The following FBXO42 variants were observed in gnomAD, a reference collection of about 807,000 sequenced individuals.
FBXO42 encodes the protein F-box protein 42, also known as F-box only protein 42.
Under a neutral mutation model 71.7 loss-of-function variants are expected in FBXO42, and 12 were observed. That is an observed-to-expected ratio of 0.17 (90% CI 0.11 to 0.27). The LOEUF is 0.27. FBXO42 is among the 10% of genes least tolerant of loss of function. The probability of loss-of-function intolerance (pLI) is 1.00; values close to 1 mark genes in which losing one functional copy is unlikely to be tolerated. For missense variants in FBXO42, 707 were observed against 911.9 expected (o/e 0.78, Z 2.89); for synonymous variants, 325 against 327.5 (o/e 0.99, Z 0.08).
Position 16,251,510 on chromosome 1 carries a change from G to T in FBXO42, c.1314C>A (p.Ile438=). The T allele has an allele frequency of 1.2e-6, 2 of 1,614,156 alleles. No homozygotes were observed. The highest frequency in any genetic ancestry group is 1.7e-6 in the Non-Finnish European group (2 of 1,180,006). The change falls in exon 10 of 10, where the codon ATC becomes ATA. Residue 438 remains isoleucine, a synonymous_variant. Coordinates refer to ENST00000375592, the MANE Select transcript of FBXO42 (RefSeq NM_018994.3). The surrounding 1 kb of genome is among the most constrained non-coding windows in gnomAD (Gnocchi z 4.5). ...CTGGAGACAAACTCCCACCATTGAG[G>T]ATAGGAGAGCCGTCTCCTCTGGCTG... ...LSPARGDGSP[I]LNGGSLSPGT...
In FBXO42 at chr1:16,247,773, C is replaced by G. The variant is rs1353699435; in HGVS notation, c.*2897G>C. The G allele has an allele frequency of 6.6e-6, 1 of 152,022 alleles. No individual in the cohort carries two copies. The highest frequency in any genetic ancestry group is 6.5e-5 in the Admixed American group (1 of 15,268). The allele number at this position is 152,022 out of a possible 1,614,324, so 9.4% of individuals were successfully genotyped here. A position where few individuals can be genotyped will look rare whatever the true frequency, so the allele number is the denominator to read the frequency against. Reference sequence around the variant, plus strand: ...GGGTGAGGTTGTGGAGTCCACCAACCAAATGAAGGGTGGAAATAGGAATGA... The same window carrying G: ...GGGTGAGGTTGTGGAGTCCACCAACGAAATGAAGGGTGGAAATAGGAATGA... On this transcript the variant is annotated 3_prime_UTR_variant, in exon 10 of 10. Transcript: ENST00000375592.
At chr1:16,275,610 C>A (rs1448557211) in intron 4 of FBXO42, among the ~76,000 whole-genome samples, 4 of 152,044 alleles carry the variant, frequency 2.6e-5, no homozygotes, top group African/African-American at 9.7e-5. Flanking sequence ...AAAAGCTAGA[C>A]CCTGTCTCTT....
intron 4 of FBXO42, among the ~76,000 whole-genome samples, chr1:16,291,249 A>G (rs1305294911): frequency 6.6e-6 from 1 of 152,228 alleles, no homozygotes; most frequent in African/African-American, 2.4e-5. Context: ...TGTTTTATTC[A>G]GAAGGACTAA....
chr1:16,292,431 T>C (rs1003383373), intron 4 of FBXO42: 2 of 152,210 alleles, frequency 1.3e-5, no homozygotes, highest in African/African-American at 2.4e-5. Flanking sequence ...TCTGGGACTA[T>C]GGAGGCATGC....
At chr1:16,338,426 C>T (rs933961112) in intron 1 of FBXO42, among the ~76,000 whole-genome samples, 3 of 150,806 alleles carry the variant, frequency 2.0e-5, no homozygotes, top group Non-Finnish European at 4.4e-5. Flanking sequence ...CTTTCACTTT[C>T]CTCTATTACC....
intron 1 of FBXO42, among the ~76,000 whole-genome samples, chr1:16,342,591 A>AG (rs2082617931): frequency 6.6e-6 from 1 of 151,308 alleles, no homozygotes; most frequent in Admixed American, 6.6e-5. Flanking sequence ...CAAAAAAAAA[A>AG]AAAAAAAGTT....
intron 4 of FBXO42, among the ~76,000 whole-genome samples, chr1:16,266,355 T>C (rs1444081867): frequency 6.6e-6 from 1 of 152,186 alleles, no homozygotes; most frequent in Admixed American, 6.5e-5. Context: ...CACAGTGGCA[T>C]GTACCTGTAG....
intron 4 of FBXO42, among the ~76,000 whole-genome samples, chr1:16,265,058 T>C (rs1300537480): frequency 1.3e-5 from 2 of 152,202 alleles, no homozygotes. Context: ...CCTGTTTTAA[T>C]TGGGGATGCC....
intron 1 of FBXO42, among the ~76,000 whole-genome samples, chr1:16,328,735 C>T (rs558116668): frequency 1.3e-5 from 2 of 152,186 alleles, no homozygotes; most frequent in Admixed American, 6.6e-5. Flanking sequence ...TTTCTAATAC[C>T]GTTCTCCAAT....
intron 4 of FBXO42, among the ~76,000 whole-genome samples, chr1:16,292,071 G>C (rs1230498322): frequency 6.6e-6 from 1 of 152,154 alleles, no homozygotes. Context: ...ATTAGGATGA[G>C]GGAGTAACTA....
At chr1:16,294,592 A>G (rs1224631755) in intron 4 of FBXO42, 191 bp downstream of exon 4, 1 of 592,720 alleles carries the variant, frequency 1.7e-6, no homozygotes, top group African/African-American at 1.9e-5. Context: ...TACTAATGAT[A>G]AAGTATAATT....
chr1:16,344,666 T>C (rs908099835), intron 1 of FBXO42, among the ~76,000 whole-genome samples: 3 of 152,006 alleles, frequency 2.0e-5, no homozygotes, highest in African/African-American at 7.2e-5. Context: ...TTCTTATACA[T>C]ACATAGGATA....
chr1:16,347,916 G>C (rs991419486), intron 1 of FBXO42, among the ~76,000 whole-genome samples: 3 of 151,458 alleles, frequency 2.0e-5, no homozygotes, highest in African/African-American at 7.3e-5. Context: ...GTGAACCTGG[G>C]AGGTGGAGCT....
intron 1 of FBXO42, among the ~76,000 whole-genome samples, chr1:16,323,433 A>G (rs1413801358): frequency 6.6e-6 from 1 of 152,112 alleles, no homozygotes. Context: ...CAAACAAACA[A>G]ACAAAAAAAG....
intron 3 of FBXO42, among the ~76,000 whole-genome samples, chr1:16,304,947 C>A (rs2082234273): frequency 6.6e-6 from 1 of 152,062 alleles, no homozygotes; most frequent in African/African-American, 2.4e-5. Flanking sequence ...CCACCCTGGG[C>A]AACAGAGACT....
At chr1:16,311,087 GGA>G (rs2082307479) in intron 2 of FBXO42, among the ~76,000 whole-genome samples, 6 of 96,822 alleles carry the variant, frequency 6.2e-5, no homozygotes, top group African/African-American at 8.4e-5. Context: ...AACACTTTGG[GGA>G]ATGGCATGAA....
intron 1 of FBXO42, among the ~76,000 whole-genome samples, chr1:16,328,219 T>G (rs1027130428): frequency 2.6e-5 from 4 of 152,268 alleles, no homozygotes; most frequent in South Asian, 2.1e-4. Context: ...GATCCTAGAT[T>G]ATGATAAAAC....
chr1:16,302,668 C>A (rs2082207131), intron 3 of FBXO42, among the ~76,000 whole-genome samples: 2 of 152,150 alleles, frequency 1.3e-5, no homozygotes, highest in African/African-American at 4.8e-5. Flanking sequence ...CGCCACCAGG[C>A]CCGGCTAATT....
chr1:16,304,653 C>T (rs1207691876), intron 3 of FBXO42, among the ~76,000 whole-genome samples: 1 of 152,094 alleles, frequency 6.6e-6, no homozygotes, highest in Non-Finnish European at 1.5e-5. Flanking sequence ...CTTGACCACT[C>T]TGGAGTAGAG....
Sources: gnomAD v4.1 joint callset for allele counts (sites outside exome capture counted in the v4.1 genomes callset) on GRCh38, gnomAD v4.1.1 for gene constraint, Gnocchi (gnomAD v3.1) non-coding constraint, MANE v1.5 for transcripts, NCBI Gene and HGNC (gene_info 2026-07-23, HGNC 2026-07-21) for gene names.